FHOD3: variants seen among roughly 807,000 people sequenced by gnomAD.
FHOD3 encodes formin homology 2 domain containing 3.
A neutral mutation model predicts 173.0 loss-of-function variants in FHOD3; 90 were observed. The observed-to-expected ratio is 0.52, with a 90% confidence interval of 0.44 to 0.62. The LOEUF (loss-of-function observed/expected upper bound fraction) is 0.62, where lower values mean the gene tolerates loss of function less well. FHOD3 is among the 20% of genes least tolerant of loss of function. FHOD3 has a pLI of 0.00. For synonymous variants in FHOD3, 828 were observed against 823.0 expected (o/e 1.01, Z -0.10); for missense variants, 1,945 against 2,034.7 (o/e 0.96, Z 0.85).
rs533171547 is a variant in FHOD3 at position 36,411,718 on chromosome 18, T to C, written c.337+38974T>C. 3.9e-4 allele frequency among the ~76,000 whole-genome samples: 59 copies of C among 152,340 alleles called. 1 individual carries two copies. The South Asian group carries it at 0.012, about 30-fold the overall frequency. ...ACCTGGCCTGAGTGGCCCAGGAGAA[T>C]GCTGTAGTTATTAATTTTCAAAAAG... On this transcript the variant is annotated intron_variant, in intron 3 of 28. Coordinates refer to ENST00000590592, the MANE Select transcript of FHOD3 (RefSeq NM_001281740.3).
chr18:36,603,242 A>G (rs1348045206), intron 8 of FHOD3, among the ~76,000 whole-genome samples: 1 of 151,962 alleles, frequency 6.6e-6, no homozygotes, highest in Non-Finnish European at 1.5e-5. Flanking sequence ...AAAATCTAAA[A>G]TTTTCCCTCT....
intron 3 of FHOD3, among the ~76,000 whole-genome samples, chr18:36,501,635 A>G (rs2055036639): frequency 6.6e-6 from 1 of 152,218 alleles, no homozygotes; most frequent in Non-Finnish European, 1.5e-5. Flanking sequence ...TGAAAAATCT[A>G]GGTGATAGTT....
At chr18:36,531,139 C>T (rs1195922946) in intron 5 of FHOD3, among the ~76,000 whole-genome samples, 1 of 152,138 alleles carries the variant, frequency 6.6e-6, no homozygotes, top group Admixed American at 6.5e-5. Flanking sequence ...GCTCTGGTGA[C>T]TTGCTGGTGG....
intron 6 of FHOD3, among the ~76,000 whole-genome samples, chr18:36,593,311 C>T (rs563861711): frequency 3.4e-4 from 51 of 152,230 alleles, no homozygotes; most frequent in Admixed American, 1.6e-3. Context: ...GGCTGTAGCA[C>T]CTCTTTGAAG....
At chr18:36,475,080 A>T (rs960112260) in intron 3 of FHOD3, among the ~76,000 whole-genome samples, 4 of 150,654 alleles carry the variant, frequency 2.7e-5, no homozygotes, top group Non-Finnish European at 4.4e-5. Flanking sequence ...AAGAGCTTGG[A>T]CTATTTCTTT....
intron 26 of FHOD3, among the ~76,000 whole-genome samples, chr18:36,760,164 T>C (rs1310457124): frequency 6.6e-6 from 1 of 152,242 alleles, no homozygotes; most frequent in Non-Finnish European, 1.5e-5. Flanking sequence ...TCGTAAGTGA[T>C]ACTTAAGAAA....
chr18:36,722,161 C>T (rs945319241), intron 19 of FHOD3, among the ~76,000 whole-genome samples: 2 of 152,080 alleles, frequency 1.3e-5, no homozygotes, highest in African/African-American at 2.4e-5. Flanking sequence ...AGGTAGAAAT[C>T]CTGTGCTAAA....
chr18:36,678,620 T>G lies in FHOD3; in HGVS notation c.1836-2816T>G, dbSNP rs115883909. Among the ~76,000 whole-genome samples the G allele has an allele frequency of 4.7e-3, 710 of 150,232 alleles. 8 individuals are homozygous for G. Among genetic ancestry groups the G allele is most frequent in the African/African-American group, 0.016 (645 of 41,150 alleles). ...AAAATTTTCCTTGCCAAATACCCAC[T>G]GTCAGATTAAGAAAGTTTTCTTCTA... On this transcript the variant is annotated intron_variant, in intron 14 of 28. Coordinates refer to ENST00000590592, the MANE Select transcript of FHOD3 (RefSeq NM_001281740.3).
At chr18:36,776,375 C>T (rs1366873459) in intron 28 of FHOD3, among the ~76,000 whole-genome samples, 1 of 152,076 alleles carries the variant, frequency 6.6e-6, no homozygotes, top group African/African-American at 2.4e-5. Flanking sequence ...AGAAACTGAC[C>T]AGCAGACAGA....
At chr18:36,342,331 A>G (rs2045664534) in intron 1 of FHOD3, among the ~76,000 whole-genome samples, 1 of 152,138 alleles carries the variant, frequency 6.6e-6, no homozygotes, top group African/African-American at 2.4e-5. Context: ...TTCTAAAATC[A>G]ACAAATGACA....
intron 10 of FHOD3, among the ~76,000 whole-genome samples, chr18:36,638,257 G>A (rs914028888): frequency 2.0e-5 from 3 of 152,204 alleles, no homozygotes; most frequent in Non-Finnish European, 4.4e-5. Context: ...AGCTCCCCAG[G>A]CCAAGGGCAT....
intron 3 of FHOD3, among the ~76,000 whole-genome samples, chr18:36,378,333 T>C (rs771928133): frequency 6.6e-6 from 1 of 152,180 alleles, no homozygotes; most frequent in African/African-American, 2.4e-5. Context: ...TTCTGTTTTC[T>C]AGGTAAGAAT....
rs543027364 is a variant in FHOD3 at position 36,438,063 on chromosome 18, C to A, written c.338-63869C>A. Among the ~76,000 whole-genome samples, 8 of 152,314 alleles carry A rather than the reference C, an allele frequency of 5.3e-5. No homozygotes were observed. In the East Asian group the frequency reaches 9.7e-4, roughly 18 times the overall value. On this transcript the variant is annotated intron_variant, in intron 3 of 28. Coordinates refer to ENST00000590592, the MANE Select transcript of FHOD3 (RefSeq NM_001281740.3). ...CTGCCTGCAGGGGATGCCTCTGAAT[C>A]TGTTCCAAGCAGTTTCCACAGCAAG... is the stretch of plus-strand genomic sequence containing the variant.
At chr18:36,697,153 C>T (rs1384541864) in intron 17 of FHOD3, among the ~76,000 whole-genome samples, 3 of 152,162 alleles carry the variant, frequency 2.0e-5, no homozygotes, top group African/African-American at 7.2e-5. Flanking sequence ...AGCCAGATAA[C>T]CTCTTATCAC....
chr18:36,489,873 G>A (rs1405783355), intron 3 of FHOD3, among the ~76,000 whole-genome samples: 2 of 152,134 alleles, frequency 1.3e-5, no homozygotes, highest in African/African-American at 2.4e-5. Context: ...GGAGAAGGGA[G>A]GAGGGCGGTT....
intron 1 of FHOD3, among the ~76,000 whole-genome samples, chr18:36,324,892 A>G (rs2044589343): frequency 6.6e-6 from 1 of 152,226 alleles, no homozygotes; most frequent in Non-Finnish European, 1.5e-5. Flanking sequence ...AAAACAGAGC[A>G]GTCTGTGTGA....
intron 5 of FHOD3, among the ~76,000 whole-genome samples, chr18:36,538,659 A>G (rs2057086338): frequency 6.6e-6 from 1 of 152,264 alleles, no homozygotes; most frequent in Non-Finnish European, 1.5e-5. Flanking sequence ...TTATTGGCAC[A>G]TACAACTTGG....
chr18:36,442,747 T>G (rs2051225526), intron 3 of FHOD3, among the ~76,000 whole-genome samples: 2 of 152,308 alleles, frequency 1.3e-5, no homozygotes, highest in Admixed American at 1.3e-4. Flanking sequence ...TTGATGCATT[T>G]CCATTAACTA....
At chr18:36,599,616 C>T (rs1267494890) in intron 7 of FHOD3, among the ~76,000 whole-genome samples, 1 of 152,174 alleles carries the variant, frequency 6.6e-6, no homozygotes, top group Non-Finnish European at 1.5e-5. Context: ...GTCTGAGGCA[C>T]TGAGCTAAAT....
Sources: gnomAD v4.1 joint callset for allele counts (sites outside exome capture counted in the v4.1 genomes callset) on GRCh38, gnomAD v4.1.1 for gene constraint, MANE v1.5 for transcripts, NCBI Gene and HGNC (gene_info 2026-07-23, HGNC 2026-07-21) for gene names.